ALOX5AP: variants seen among roughly 807,000 people sequenced by gnomAD.
ALOX5AP encodes arachidonate 5-lipoxygenase-activating protein.
A neutral mutation model predicts 18.5 loss-of-function variants in ALOX5AP; 9 were observed. That is an observed-to-expected ratio of 0.49 (90% CI 0.29 to 0.85). The LOEUF is 0.85. Ranked by LOEUF, ALOX5AP falls within the 40% of genes least tolerant of loss-of-function variation. The pLI, the probability that ALOX5AP is intolerant of heterozygous loss-of-function variation, is 0.08. For synonymous variants in ALOX5AP, 81 were observed against 78.6 expected, an observed-to-expected ratio of 1.03 and a Z score of -0.16; for missense variants, 172 against 202.5, an observed-to-expected ratio of 0.85 and a Z score of 0.91.
chr13:30,739,097 G>T (rs1409113506), intron 1 of ALOX5AP, among the ~76,000 whole-genome samples: 3 of 146,678 alleles, frequency 2.0e-5, no homozygotes, highest in East Asian at 4.0e-4. Context: ...CCCCTCCACC[G>T]CCTCCACCGG....
At chr13:30,743,948 G>C in intron 1 of ALOX5AP, 112 bp from the exon 2 acceptor site, 1 of 786,710 alleles carries the variant, frequency 1.3e-6, no homozygotes, top group Non-Finnish European at 2.2e-6. Flanking sequence ...GGACATTTAG[G>C]GTTGCTTGGA....
intron 1 of ALOX5AP, among the ~76,000 whole-genome samples, chr13:30,739,601 A>AT (rs1319545519): frequency 6.6e-6 from 1 of 152,114 alleles, no homozygotes; most frequent in Non-Finnish European, 1.5e-5. Flanking sequence ...CGCCCAGCTA[A>AT]TTTTTGTATT....
intron 1 of ALOX5AP, among the ~76,000 whole-genome samples, chr13:30,722,418 A>ATT (rs201411242): frequency 5.3e-5 from 8 of 151,456 alleles, no homozygotes; most frequent in Non-Finnish European, 1.2e-4. Context: ...TTGCTATTTT[A>ATT]TTTTTTTTTG....
At chr13:30,723,945 A>G (rs185680573) in intron 1 of ALOX5AP, among the ~76,000 whole-genome samples, 1 of 152,320 alleles carries the variant, frequency 6.6e-6, no homozygotes, top group East Asian at 1.9e-4. Context: ...TTATTGAAGT[A>G]TAAGTTACAT....
At chr13:30,734,829 TCAG>T (rs1246168964), upstream of ALOX5AP, among the ~76,000 whole-genome samples, 1 of 152,228 alleles carries the variant, frequency 6.6e-6, no homozygotes, top group Non-Finnish European at 1.5e-5. Context: ...AATGGAGATA[TCAG>T]CTGTCCCTCC....
intron 2 of ALOX5AP, among the ~76,000 whole-genome samples, chr13:30,749,680 TG>T (rs1184264300): frequency 6.6e-6 from 1 of 152,244 alleles, no homozygotes; most frequent in African/African-American, 2.4e-5. Context: ...GTGGAAATTC[TG>T]GGATTCAGAG....
chr13:30,723,080 C>T (rs1476522749), intron 1 of ALOX5AP, among the ~76,000 whole-genome samples: 1 of 152,172 alleles, frequency 6.6e-6, no homozygotes, highest in East Asian at 1.9e-4. Context: ...TGCTATGGTT[C>T]CTTTAGTAGG....
At chr13:30,719,963 G>A (rs1447324990) in intron 1 of ALOX5AP, among the ~76,000 whole-genome samples, 1 of 152,016 alleles carries the variant, frequency 6.6e-6, no homozygotes, top group East Asian at 1.9e-4. Context: ...CTGGGTTCAA[G>A]CAATTCTCCT....
At chr13:30,726,635 G>T (rs1249688012) in intron 1 of ALOX5AP, among the ~76,000 whole-genome samples, 1 of 152,204 alleles carries the variant, frequency 6.6e-6, no homozygotes, top group Admixed American at 6.5e-5. Flanking sequence ...GAAGGTAATA[G>T]TGTTGAATAT....
At chr13:30,742,505 A>C (rs1434953342) in intron 1 of ALOX5AP, 3 of 152,252 alleles carry the variant, frequency 2.0e-5, no homozygotes, top group African/African-American at 7.2e-5. Flanking sequence ...AGTACTACCC[A>C]TTGCACAGAG....
At chr13:30,754,510 G>A (rs1006441384) in intron 3 of ALOX5AP, among the ~76,000 whole-genome samples, 4 of 152,066 alleles carry the variant, frequency 2.6e-5, no homozygotes, top group African/African-American at 7.2e-5. Flanking sequence ...TCCTGACACA[G>A]TGCTTGGCAT....
chr13:30,739,638 T>A (rs879686597), intron 1 of ALOX5AP, among the ~76,000 whole-genome samples: 9 of 152,366 alleles, frequency 5.9e-5, no homozygotes, highest in Admixed American at 5.9e-4. Context: ...TTTCACCATG[T>A]TGGCCAGGTT....
chr13:30,752,094 C>T lies in ALOX5AP; in HGVS notation c.213C>T (p.Leu71=). ...CGTACCCCACTTTCCTCGCTGTGCT[C>T]TGGTCTGCGGGGCTACTTTGCAGCC... The part of the protein sequence containing the change: ...VDAYPTFLAV[L]WSAGLLCSQV... The change falls in exon 3 of 5, where the codon CTC becomes CTT. Residue 71 remains leucine, a synonymous_variant. Coordinates refer to ENST00000380490, the MANE Select transcript of ALOX5AP (RefSeq NM_001629.4). 1.2e-6 allele frequency: 2 copies of T among 1,613,350 alleles called. No homozygotes were observed. Among genetic ancestry groups the T allele is most frequent in the Non-Finnish European group, 8.5e-7 (1 of 1,179,758 alleles).
chr13:30,729,879 A>G (rs67961424), intron 1 of ALOX5AP, among the ~76,000 whole-genome samples: 23,146 of 152,182 alleles, frequency 0.15, 1,849 homozygotes, highest in South Asian at 0.21. Context: ...CCCGGCCTTA[A>G]CCTTTGTTTT....
At chr13:30,716,934 A>G (rs996920658) in intron 1 of ALOX5AP, among the ~76,000 whole-genome samples, 2 of 152,220 alleles carry the variant, frequency 1.3e-5, no homozygotes, top group Admixed American at 6.5e-5. Context: ...GGAGTCACGG[A>G]CAGCGCCACT....
At chr13:30,734,720 CA>C (rs1951707050), upstream of ALOX5AP, among the ~76,000 whole-genome samples, 1 of 152,224 alleles carries the variant, frequency 6.6e-6, no homozygotes, top group Non-Finnish European at 1.5e-5. Context: ...CCTTAGGGAT[CA>C]TCTGTAACTC....
chr13:30,726,233 G>T (rs1222478787), intron 1 of ALOX5AP, among the ~76,000 whole-genome samples: 1 of 152,188 alleles, frequency 6.6e-6, no homozygotes, highest in African/African-American at 2.4e-5. Context: ...AAGGAAGGGG[G>T]TTCCTTTCTC....
intron 1 of ALOX5AP, among the ~76,000 whole-genome samples, chr13:30,722,366 T>C (rs1028223068): frequency 1.3e-5 from 2 of 152,190 alleles, no homozygotes; most frequent in Non-Finnish European, 2.9e-5. Flanking sequence ...CCCCTGGAAT[T>C]CCTTTAATGA....
intron 1 of ALOX5AP, among the ~76,000 whole-genome samples, chr13:30,726,984 A>G (rs1461331914): frequency 6.6e-6 from 1 of 152,142 alleles, no homozygotes; most frequent in Non-Finnish European, 1.5e-5. Context: ...CTCAAAGATG[A>G]ATAAAGAGAA....
Sources: gnomAD v4.1 joint callset for allele counts (sites outside exome capture counted in the v4.1 genomes callset) on GRCh38, gnomAD v4.1.1 for gene constraint, MANE v1.5 for transcripts, NCBI Gene and HGNC (gene_info 2026-07-23, HGNC 2026-07-21) for gene names.